PUS7: variants seen among roughly 807,000 people sequenced by gnomAD.
PUS7 encodes the protein pseudouridylate synthase 7 homolog.
A neutral mutation model predicts 79.8 loss-of-function variants in PUS7; 48 were observed. That is an observed-to-expected ratio of 0.60 (90% CI 0.48 to 0.76). The LOEUF (loss-of-function observed/expected upper bound fraction) is 0.76, where lower values mean the gene tolerates loss of function less well. PUS7 is among the 30% of genes least tolerant of loss of function. PUS7 has a pLI of 0.00. For missense variants in PUS7, 729 were observed against 797.6 expected (o/e 0.91, Z 1.04); for synonymous variants, 286 against 272.2 (o/e 1.05, Z -0.50).
At chr7:105,503,565 C>T (rs771271578) in intron 4 of PUS7, among the ~76,000 whole-genome samples, 1 of 151,812 alleles carries the variant, frequency 6.6e-6, no homozygotes, top group Non-Finnish European at 1.5e-5. Flanking sequence ...TTTTAAGAAT[C>T]GAAAAAAAAT....
chr7:105,462,565 A>G, intron 14 of PUS7, 56 bp downstream of exon 14: 1 of 1,596,230 alleles, frequency 6.3e-7, no homozygotes, highest in Non-Finnish European at 8.6e-7. Flanking sequence ...AAGTGAAGCA[A>G]AAGCTTACAA....
intron 11 of PUS7, 187 bp downstream of exon 11, chr7:105,470,501 C>T (rs7796208): frequency 0.014 from 6,999 of 494,888 alleles, 408 homozygotes; most frequent in African/African-American, 0.12. Context: ...AAGTAATGCC[C>T]GCATCCACCC....
In PUS7 at chr7:105,496,196, CATATATATATAT is replaced by C. The variant is rs1159713098; in HGVS notation, c.731-955_731-944del. ...AAGTATGCATATCTACACACACACA[CATATATATATAT>C]ATATATATATATATATATAGAGAGA... On this transcript the variant is annotated intron_variant, in intron 5 of 15. Coordinates refer to ENST00000469408, the MANE Select transcript of PUS7 (RefSeq NM_019042.5). 2.4e-3 allele frequency among the ~76,000 whole-genome samples: 194 copies of C among 81,530 alleles called. 2 individuals carry two copies. The highest frequency in any genetic ancestry group is 9.1e-3 in the African/African-American group (188 of 20,724). The allele number at this position is 81,530 out of a possible 152,430, so 53.5% of individuals were successfully genotyped here.
At chr7:105,514,040 C>T (rs1178034232) in intron 1 of PUS7, among the ~76,000 whole-genome samples, 1 of 134,076 alleles carries the variant, frequency 7.5e-6, no homozygotes, top group Admixed American at 7.9e-5. Context: ...ACCAACCTGG[C>T]TAACATGGTG....
In PUS7 at chr7:105,506,129, A is replaced by G. The variant is rs1481781439; in HGVS notation, c.483+60T>C. On this transcript the variant is annotated intron_variant, in intron 3 of 15. Transcript: ENST00000469408. ...AGTTTAATAAAGCTCTATATTTCTA[A>G]ATCTCTAGGAAATGCTATTTTTATA... The G allele has an allele frequency of 2.7e-6, 4 of 1,508,074 alleles. No homozygotes were observed. The African/African-American group carries it at 7.8e-5, about 29-fold the overall frequency. 93.4% of individuals were successfully genotyped at this position (1,508,074 alleles called of 1,614,324 possible).
intron 6 of PUS7, among the ~76,000 whole-genome samples, chr7:105,492,944 A>G (rs1482486642): frequency 6.6e-6 from 1 of 152,188 alleles, no homozygotes; most frequent in Non-Finnish European, 1.5e-5. Flanking sequence ...CGCCCAGTCA[A>G]TAATTCCTTT....
rs1823239388 is a variant in PUS7, at chr7:105,457,629, T to C, written c.*161A>G. 4.7e-6 allele frequency: 3 copies of C among 631,870 alleles called. No homozygotes were observed. Among genetic ancestry groups the C allele is most frequent in the South Asian group, 3.3e-5 (1 of 30,126 alleles). 39.1% of individuals were successfully genotyped at this position (631,870 alleles called of 1,614,324 possible). Reference sequence around the variant, plus strand: ...CAGGATTTGTGTACATGTACAAATATTGCAAATTATTTCTTTAAGCTAATA... The same window carrying C: ...CAGGATTTGTGTACATGTACAAATACTGCAAATTATTTCTTTAAGCTAATA... On this transcript the variant is annotated 3_prime_UTR_variant, in exon 16 of 16. Transcript: ENST00000469408.
In PUS7 at chr7:105,467,451, G is replaced by A. The variant is rs561752225; in HGVS notation, c.1525+886C>T. On this transcript the variant is annotated intron_variant, in intron 12 of 15. Transcript: ENST00000469408. ...ACTACAGGCGCCTGCCACCACGCCCGGCTAATTTTTTGTATTTTTAGTAGA... is the reference window on the plus strand; with the variant it reads ...ACTACAGGCGCCTGCCACCACGCCCAGCTAATTTTTTGTATTTTTAGTAGA... 1.7e-3 allele frequency among the ~76,000 whole-genome samples: 257 copies of A among 151,560 alleles called. 1 individual carries two copies. Among genetic ancestry groups the A allele is most frequent in the African/African-American group, 5.7e-3 (236 of 41,376 alleles).
Position 105,508,155 on chromosome 7 carries a change from C to A in PUS7, c.358G>T (p.Val120Leu), listed in dbSNP as rs779334223. 1 of 1,614,114 alleles carries A rather than the reference C, an allele frequency of 6.2e-7. No homozygotes were observed. Among genetic ancestry groups the A allele is most frequent in the Admixed American group, 1.7e-5 (1 of 60,004 alleles). ...CCCGAGAACCCTTGATGAGAACTCA[C>A]AAACTTGGTGATGCCTACGTCAGCC... ...TEADVGITKF[V>L]SSHQGFSGIL... Residue 120 changes from valine (V) to leucine (L), a missense_variant, in exon 2 of 16, where the codon GTG becomes TTG. Transcript: ENST00000469408.
intron 5 of PUS7, among the ~76,000 whole-genome samples, chr7:105,499,346 G>A (rs769279395): frequency 3.9e-5 from 6 of 152,020 alleles, no homozygotes; most frequent in African/African-American, 7.2e-5. Context: ...TCTTCCTCCT[G>A]AGTCTCTATG....
At chr7:105,461,655 A>G (rs1435455540) in intron 14 of PUS7, among the ~76,000 whole-genome samples, 1 of 152,258 alleles carries the variant, frequency 6.6e-6, no homozygotes, top group African/African-American at 2.4e-5. Context: ...AAGTACAGTC[A>G]TGCACTGCTT....
intron 1 of PUS7, among the ~76,000 whole-genome samples, chr7:105,511,833 G>A (rs1332024029): frequency 6.6e-6 from 1 of 151,252 alleles, no homozygotes; most frequent in African/African-American, 2.4e-5. Context: ...AGAAGGGATT[G>A]AAAAAAATGT....
intron 14 of PUS7, 140 bp downstream of exon 14, chr7:105,462,481 A>C (rs916205212): frequency 1.0e-6 from 1 of 958,488 alleles, no homozygotes; most frequent in Admixed American, 2.7e-5. Context: ...TGGTGTTATA[A>C]TCTTATGATA....
chr7:105,468,214 T>G (rs1245244407), intron 12 of PUS7, 123 bp downstream of exon 12: 1 of 1,318,572 alleles, frequency 7.6e-7, no homozygotes, highest in Admixed American at 2.2e-5. Flanking sequence ...ATTATGGGCG[T>G]GTACCACCGT....
Position 105,462,679 on chromosome 7 carries a change from C to T in PUS7, c.1699G>A (p.Asp567Asn). Reference protein sequence around the residue: ...DIDNMRHKIRDYSLSGAYRKI... With the variant: ...DIDNMRHKIRNYSLSGAYRKI... ...CGGTAGGCCCCTGACAAGGAATAAT[C>T]TCGAATTTTGTGTCTCATGTTGTCA... is the stretch of plus-strand genomic sequence containing the variant. Residue 567 changes from aspartate (D) to asparagine (N), a missense_variant, in exon 14 of 16, where the codon GAT (aspartate) becomes AAT (asparagine). Asp to Asn is a conservative substitution (Grantham distance 23). Transcript: ENST00000469408. 6.2e-7 allele frequency: 1 copy of T among 1,613,838 alleles called. No individual in the cohort carries two copies. The highest frequency in any genetic ancestry group is 8.5e-7 in the Non-Finnish European group (1 of 1,179,902).
Position 105,496,222 on chromosome 7 carries a change from T to TAGAGAGAGAGAGAGAG in PUS7, c.731-970_731-969insCTCTCTCTCTCTCTCT, listed in dbSNP as rs1203551594. On this transcript the variant is annotated intron_variant, in intron 5 of 15. Transcript: ENST00000469408. ...ATATATATATATATATATATATATATATATAGAGAGAGAGAGAGAGAGAGA... is the reference window on the plus strand; with the variant it reads ...ATATATATATATATATATATATATATAGAGAGAGAGAGAGAGATATAGAGAGAGAGAGAGAGAGAGA... 9.4e-5 allele frequency among the ~76,000 whole-genome samples: 8 copies of TAGAGAGAGAGAGAGAG among 85,048 alleles called. No individual in the cohort carries two copies. In the East Asian group the frequency reaches 1.8e-3, roughly 19 times the overall value. The allele number at this position is 85,048 out of a possible 152,430, so 55.8% of individuals were successfully genotyped here. A position where few individuals can be genotyped will look rare whatever the true frequency, so the allele number is the denominator to read the frequency against.
intron 6 of PUS7, among the ~76,000 whole-genome samples, chr7:105,493,863 A>G (rs1293357017): frequency 3.9e-5 from 6 of 152,196 alleles, no homozygotes; most frequent in Admixed American, 2.6e-4. Context: ...ATGAAAAGTA[A>G]TTTCTGTTAA....
chr7:105,506,206 T>A lies in PUS7; in HGVS notation c.466A>T (p.Ile156Phe). The change falls in exon 3 of 16, where the codon ATT becomes TTT. Residue 156 changes from isoleucine to phenylalanine, a missense_variant. Coordinates refer to ENST00000469408, the MANE Select transcript of PUS7 (RefSeq NM_019042.5). ...GRISHLNDLS[I>F]PVDEEDPSED... ...ACTTCTACCTCCTCATCCACTGGAA[T>A]GGACAAGTCATTCAAATGGCTGATC... 6.2e-7 allele frequency: 1 copy of A among 1,612,906 alleles called. No individual in the cohort carries two copies. The highest frequency in any genetic ancestry group is 8.5e-7 in the Non-Finnish European group (1 of 1,179,460).
intron 8 of PUS7, 105 bp downstream of exon 8, chr7:105,482,207 T>C: frequency 7.4e-7 from 1 of 1,350,756 alleles, no homozygotes; most frequent in Non-Finnish European, 1.0e-6. Context: ...CCACTCCTGT[T>C]CTGTTAGTAC....
Sources: allele counts gnomAD v4.1 joint callset (sites outside exome capture counted in the v4.1 genomes callset), GRCh38; gene constraint gnomAD v4.1.1; transcripts MANE v1.5; gene names NCBI Gene and HGNC (gene_info 2026-07-23, HGNC 2026-07-21).